FANCI: variants seen among roughly 807,000 people sequenced by gnomAD.
The protein encoded by FANCI is FA complementation group I.
A neutral mutation model predicts 176.1 loss-of-function variants in FANCI; 156 were observed. That is an observed-to-expected ratio of 0.89 (90% CI 0.78 to 1.01). The LOEUF (loss-of-function observed/expected upper bound fraction) is 1.01. Among genes scored for constraint, FANCI ranks in the 50% least tolerant of loss-of-function variants. FANCI has a pLI of 0.00. For synonymous variants in FANCI, 613 were observed against 541.7 expected, an observed-to-expected ratio of 1.13 and a Z score of -1.83; for missense variants, 1,678 against 1,534.1, an observed-to-expected ratio of 1.09 and a Z score of -1.57.
chr15:89,246,666 C>G (rs2051987446), intron 1 of FANCI, among the ~76,000 whole-genome samples: 1 of 151,964 alleles, frequency 6.6e-6, no homozygotes, highest in South Asian at 2.1e-4. Context: ...AGTTCCAGTT[C>G]AAGCTTTCCT....
intron 28 of FANCI, 45 bp from the exon 29 acceptor site, chr15:89,305,070 T>G (rs779777264): frequency 6.2e-7 from 1 of 1,609,592 alleles, no homozygotes; most frequent in African/African-American, 1.3e-5. Flanking sequence ...GCCACTGCAC[T>G]TGGCCACAAC....
chr15:89,264,377 C>G, intron 8 of FANCI, 145 bp from the exon 9 acceptor site: 1 of 734,984 alleles, frequency 1.4e-6, no homozygotes, highest in Non-Finnish European at 2.4e-6. Context: ...TGAAAGTGTT[C>G]TATACATTCT....
chr15:89,257,142 G>C (rs892285082), intron 2 of FANCI, among the ~76,000 whole-genome samples: 5 of 152,176 alleles, frequency 3.3e-5, no homozygotes, highest in Non-Finnish European at 7.4e-5. Flanking sequence ...TCCTGACCTT[G>C]TGATCTGCCC....
At chr15:89,290,670 A>T (rs2054027341) in intron 19 of FANCI, 1 of 202,934 alleles carries the variant, frequency 4.9e-6, no homozygotes, top group African/African-American at 2.3e-5. Flanking sequence ...TGTCTTTTAC[A>T]TTCCTTTCTG....
chr15:89,292,606 G>T, intron 20 of FANCI, 82 bp from the exon 21 acceptor site: 2 of 1,360,988 alleles, frequency 1.5e-6, no homozygotes, highest in South Asian at 1.2e-5. Context: ...TTATAGATAA[G>T]AATTATTTGC....
At chr15:89,305,084 C>G in intron 28 of FANCI, 31 bp from the exon 29 acceptor site, 1 of 1,612,582 alleles carries the variant, frequency 6.2e-7, no homozygotes, top group South Asian at 1.1e-5. Flanking sequence ...CCACAACTTA[C>G]CTTTTAATTT....
At chr15:89,283,908 G>A (rs1030411015) in intron 17 of FANCI, among the ~76,000 whole-genome samples, 5 of 151,734 alleles carry the variant, frequency 3.3e-5, no homozygotes, top group South Asian at 2.1e-4. Context: ...GACTACAGGC[G>A]CCTGCTACCG....
In FANCI at chr15:89,271,486, T is replaced by G. The variant is rs139061864; in HGVS notation, c.883-1891T>G. 2.0e-5 allele frequency among the ~76,000 whole-genome samples: 3 copies of G among 152,312 alleles called. No individual in the cohort carries two copies. In the East Asian group the frequency reaches 5.8e-4, roughly 29 times the overall value. ...CTGTGTTGTAGCGTATGTCAGTATTTCATTTCTTTTTATTGTTTTGTTTGT... is the reference window on the plus strand; with the variant it reads ...CTGTGTTGTAGCGTATGTCAGTATTGCATTTCTTTTTATTGTTTTGTTTGT... On this transcript the variant is annotated intron_variant, in intron 10 of 37. Transcript: ENST00000310775.
chr15:89,305,557 C>A (rs775624432), intron 30 of FANCI, 48 bp from the exon 31 acceptor site: 6 of 1,604,778 alleles, frequency 3.7e-6, no homozygotes, highest in Non-Finnish European at 4.3e-6. Context: ...ATTATATTAC[C>A]CCCACAGCTG....
chr15:89,311,854 G>T (rs2054977319), intron 34 of FANCI, among the ~76,000 whole-genome samples: 1 of 152,126 alleles, frequency 6.6e-6, no homozygotes, highest in Admixed American at 6.5e-5. Context: ...CTCCCCTTGA[G>T]GTAAAAAGCT....
chr15:89,315,959 A>G (rs2055229714), intron 37 of FANCI, among the ~76,000 whole-genome samples: 1 of 152,034 alleles, frequency 6.6e-6, no homozygotes, highest in Non-Finnish European at 1.5e-5. Context: ...TCAGTAGCCC[A>G]CTCCCATTTC....
At chr15:89,311,167 G>T (rs371492827) in intron 34 of FANCI, among the ~76,000 whole-genome samples, 177 of 152,198 alleles carry the variant, frequency 1.2e-3, no homozygotes, top group African/African-American at 3.8e-3. Flanking sequence ...GCTGAGGCAG[G>T]AGAATTGCTT....
chr15:89,308,790 C>T (rs966248001), intron 34 of FANCI, among the ~76,000 whole-genome samples: 1 of 151,934 alleles, frequency 6.6e-6, no homozygotes, highest in East Asian at 1.9e-4. Flanking sequence ...ACAAAAAATA[C>T]AAAAAATTAG....
chr15:89,252,603 G>T (rs534359776), intron 2 of FANCI, among the ~76,000 whole-genome samples: 2 of 152,230 alleles, frequency 1.3e-5, no homozygotes, highest in East Asian at 3.9e-4. Flanking sequence ...AGCTGGGCGT[G>T]GTGGTGCACG....
At chr15:89,266,113 C>T (rs1177522155) in intron 9 of FANCI, among the ~76,000 whole-genome samples, 2 of 149,744 alleles carry the variant, frequency 1.3e-5, no homozygotes, top group Admixed American at 1.3e-4. Context: ...CCTCCAGCCT[C>T]TGCTTCCCAA....
At chr15:89,246,353 C>T (rs1049045575) in intron 1 of FANCI, among the ~76,000 whole-genome samples, 5 of 152,216 alleles carry the variant, frequency 3.3e-5, no homozygotes, top group African/African-American at 1.2e-4. Flanking sequence ...CTTTAATCTG[C>T]ACAAAGATGC....
chr15:89,269,071 A>G (rs2053096148), intron 10 of FANCI, among the ~76,000 whole-genome samples: 1 of 152,214 alleles, frequency 6.6e-6, no homozygotes, highest in Non-Finnish European at 1.5e-5. Context: ...TTTTAGTTTG[A>G]AAATTCTAAC....
chr15:89,264,502 C>A lies in FANCI; in HGVS notation c.670-20C>A. ...TTTGCTGTTAATTGGGAGACCTTAC[C>A]AATTTTGTATTGTTTTCAGGGAAGC... On this transcript the variant is annotated intron_variant, in intron 8 of 37. Transcript: ENST00000310775. 6.2e-7 allele frequency: 1 copy of A among 1,609,652 alleles called. No individual in the cohort carries two copies. The highest frequency in any genetic ancestry group is 8.5e-7 in the Non-Finnish European group (1 of 1,176,408).
intron 9 of FANCI, 22 bp downstream of exon 9, chr15:89,264,629 T>C: frequency 6.3e-7 from 1 of 1,592,982 alleles, no homozygotes; most frequent in Non-Finnish European, 8.6e-7. Flanking sequence ...AGTGTAGAAA[T>C]AAAGATCATT....
Sources: allele counts gnomAD v4.1 joint callset (sites outside exome capture counted in the v4.1 genomes callset), GRCh38; gene constraint gnomAD v4.1.1; transcripts MANE v1.5; gene names NCBI Gene and HGNC (gene_info 2026-07-23, HGNC 2026-07-21).